The following FRMD4B variants were observed in gnomAD, a reference collection of about 807,000 sequenced individuals.
FRMD4B encodes FERM domain-containing protein 4B.
Under a neutral mutation model 141.5 loss-of-function variants are expected in FRMD4B, and 74 were observed. The observed-to-expected ratio is 0.52, with a 90% CI of 0.43 to 0.63. The LOEUF (loss-of-function observed/expected upper bound fraction) is 0.63. Ranked by LOEUF, FRMD4B falls within the 30% of genes least tolerant of loss-of-function variation. The probability of loss-of-function intolerance (pLI) is 0.00; values close to 1 mark genes in which losing one functional copy is unlikely to be tolerated. For synonymous variants in FRMD4B, 506 were observed against 467.9 expected (o/e 1.08, Z -1.05); for missense variants, 1,366 against 1,253.4 (o/e 1.09, Z -1.36).
At chr3:69,455,979 A>G (rs964903242) in intron 1 of FRMD4B, among the ~76,000 whole-genome samples, 1 of 152,082 alleles carries the variant, frequency 6.6e-6, no homozygotes. Context: ...CATCAGTTCC[A>G]TTTTGCTTTG....
intron 5 of FRMD4B, among the ~76,000 whole-genome samples, chr3:69,275,443 T>TCTCTC (rs1553714711): frequency 2.6e-5 from 3 of 116,742 alleles, no homozygotes; most frequent in Middle Eastern, 8.4e-3. Context: ...TCTCTCTCTC[T>TCTCTC]TTTTTTTTTT....
chr3:69,483,509 A>G (rs1706164201), intron 1 of FRMD4B, among the ~76,000 whole-genome samples: 1 of 152,238 alleles, frequency 6.6e-6, no homozygotes, highest in Non-Finnish European at 1.5e-5. Context: ...GATTTGACTA[A>G]TGAAAAGCTT....
chr3:69,333,633 CTGT>C (rs1391761819), intron 1 of FRMD4B, among the ~76,000 whole-genome samples: 2 of 152,164 alleles, frequency 1.3e-5, no homozygotes, highest in Non-Finnish European at 2.9e-5. Context: ...ACAATTGGGA[CTGT>C]TTTTTCCCTA....
chr3:69,246,481 A>C, intron 7 of FRMD4B, among the ~76,000 whole-genome samples: 1 of 152,172 alleles, frequency 6.6e-6, no homozygotes, highest in East Asian at 1.9e-4. Context: ...AAAATAAAAC[A>C]AAAGAAAAAC....
intron 1 of FRMD4B, among the ~76,000 whole-genome samples, chr3:69,524,681 C>T (rs189459914): frequency 6.6e-6 from 1 of 152,300 alleles, no homozygotes; most frequent in East Asian, 1.9e-4. Context: ...CCTCCTTAAT[C>T]TAGCTCAAGG....
chr3:69,307,410 G>A (rs978124948), intron 3 of FRMD4B, among the ~76,000 whole-genome samples: 2 of 151,986 alleles, frequency 1.3e-5, no homozygotes, highest in South Asian at 2.1e-4. Context: ...GCACAATCTC[G>A]GTTCACTGCA....
At chr3:69,362,710 C>CCCCCAA (rs1553730362) in intron 1 of FRMD4B, among the ~76,000 whole-genome samples, 116 of 148,134 alleles carry the variant, frequency 7.8e-4, no homozygotes, top group African/African-American at 2.7e-3. Flanking sequence ...ACCCCCCCCC[C>CCCCCAA]AAAAAAACAA....
chr3:69,198,626 G>A, intron 12 of FRMD4B, 72 bp downstream of exon 12: 3 of 760,130 alleles, frequency 3.9e-6, no homozygotes, highest in Non-Finnish European at 6.9e-6. Flanking sequence ...ATAAAAACTT[G>A]TACACAAATG....
chr3:69,285,741 G>T (rs1271436765), intron 5 of FRMD4B, among the ~76,000 whole-genome samples: 1 of 152,122 alleles, frequency 6.6e-6, no homozygotes. Flanking sequence ...CTACTCGGGA[G>T]GCTGAGGCAG....
intron 5 of FRMD4B, among the ~76,000 whole-genome samples, chr3:69,265,273 T>A (rs1386144229): frequency 0.38 from 2,390 of 6,300 alleles, 777 homozygotes; most frequent in East Asian, 0.69. Flanking sequence ...AAAAAAAATA[T>A]ATATATATAT....
chr3:69,384,609 G>C (rs769815636), intron 1 of FRMD4B, among the ~76,000 whole-genome samples: 25 of 152,246 alleles, frequency 1.6e-4, no homozygotes, highest in Non-Finnish European at 1.2e-4. Context: ...ATGCTGCCCT[G>C]GTTCCCAACC....
intron 7 of FRMD4B, among the ~76,000 whole-genome samples, chr3:69,241,856 G>A (rs777578931): frequency 1.3e-5 from 2 of 151,432 alleles, no homozygotes; most frequent in African/African-American, 2.4e-5. Context: ...GCAACACAGC[G>A]AGGATCCATC....
At chr3:69,196,683 G>T (rs2092908913) in intron 13 of FRMD4B, 1 of 575,242 alleles carries the variant, frequency 1.7e-6, no homozygotes, top group Non-Finnish European at 3.0e-6. Flanking sequence ...ATACAAACGT[G>T]CATGCCAAAA....
intron 2 of FRMD4B, among the ~76,000 whole-genome samples, chr3:69,392,307 G>A (rs1204579152): frequency 6.6e-6 from 1 of 152,176 alleles, no homozygotes. Context: ...AGAGACAGGT[G>A]AGTGAGGATG....
At chr3:69,201,970 G>A (rs191151399) in intron 11 of FRMD4B, among the ~76,000 whole-genome samples, 6 of 152,260 alleles carry the variant, frequency 3.9e-5, no homozygotes, top group African/African-American at 1.4e-4. Context: ...TTGAGAGGCC[G>A]AGGCGGGTGG....
chr3:69,433,025 C>T (rs1705204709), intron 1 of FRMD4B: 1 of 152,162 alleles, frequency 6.6e-6, no homozygotes, highest in Admixed American at 6.5e-5. Flanking sequence ...ACTGAATACA[C>T]CGTTTTAGAC....
chr3:69,338,319 G>A (rs143599963), intron 1 of FRMD4B, among the ~76,000 whole-genome samples: 1 of 150,850 alleles, frequency 6.6e-6, no homozygotes, highest in Non-Finnish European at 1.5e-5. Flanking sequence ...AGTGGGGAGA[G>A]GGGGGAGGGA....
At position 69,195,223 on chromosome 3, in the gene FRMD4B, A is replaced by T. The variant is rs1185490360; in HGVS notation, c.1368+8T>A. The T allele has an allele frequency of 1.2e-6, 2 of 1,612,716 alleles. No individual in the cohort carries two copies. Among genetic ancestry groups the T allele is most frequent in the African/African-American group, 2.7e-5 (2 of 74,778 alleles). On this transcript the variant is annotated splice_region_variant and intron_variant, in intron 15 of 22. Coordinates refer to ENST00000398540, the MANE Select transcript of FRMD4B (RefSeq NM_015123.3). Reference sequence around the variant, plus strand: ...CACAACTTGATGAGCCCCAAAAAGCAGACTCACAGCCTCCCGCAGACAGAT... The same window carrying T: ...CACAACTTGATGAGCCCCAAAAAGCTGACTCACAGCCTCCCGCAGACAGAT...
At chr3:69,386,527 C>G (rs562992211), upstream of FRMD4B, among the ~76,000 whole-genome samples, 1 of 152,124 alleles carries the variant, frequency 6.6e-6, no homozygotes, top group African/African-American at 2.4e-5. Context: ...TCTGTTCACA[C>G]TGATAAAACA....
Sources: allele counts gnomAD v4.1 joint callset (sites outside exome capture counted in the v4.1 genomes callset), GRCh38; gene constraint gnomAD v4.1.1; transcripts MANE v1.5; gene names NCBI Gene and HGNC (gene_info 2026-07-23, HGNC 2026-07-21).